Variants in ANK2 observed in about 807,000 individuals in gnomAD.
ANK2 encodes the protein ankyrin 2.
Under a neutral mutation model 360.5 loss-of-function variants are expected in ANK2, and 83 were observed. The observed-to-expected ratio is 0.23, with a 90% confidence interval of 0.19 to 0.28. ANK2 has a LOEUF of 0.28. ANK2 is among the 10% of genes least tolerant of loss of function. The pLI, the probability that ANK2 is intolerant of heterozygous loss-of-function variation, is 1.00. For missense variants in ANK2, 4,201 were observed against 4,795.7 expected (o/e 0.88, Z 3.66); for synonymous variants, 1,740 against 1,759.5 (o/e 0.99, Z 0.28).
chr4:113,108,742 G>GA (rs201965241), intron 1 of ANK2, among the ~76,000 whole-genome samples: 1,751 of 150,934 alleles, frequency 0.012, 32 homozygotes, highest in African/African-American at 0.038. Flanking sequence ...ACTTGAAACA[G>GA]AAAAAAAAAC....
chr4:112,910,589 C>T (rs1580995287), intron 2 of ANK2, among the ~76,000 whole-genome samples: 1 of 152,324 alleles, frequency 6.6e-6, no homozygotes, highest in South Asian at 2.1e-4. Context: ...TAAAAAGGAA[C>T]TTTCAACACC....
At chr4:113,234,905 A>G (rs997289392) in intron 5 of ANK2, among the ~76,000 whole-genome samples, 1 of 152,234 alleles carries the variant, frequency 6.6e-6, no homozygotes. Context: ...CACTTGAACA[A>G]ATCATTCCAA....
chr4:112,764,729 C>T, the ANK2 span, among the ~76,000 whole-genome samples: 98 of 130,116 alleles, frequency 7.5e-4, no homozygotes, highest in Admixed American at 1.6e-3. Context: ...TTTTTTGAGA[C>T]GGAGTTTCAT....
intron 2 of ANK2, chr4:113,034,913 A>G (rs970699616): frequency 1.3e-5 from 2 of 151,988 alleles, no homozygotes; most frequent in African/African-American, 4.8e-5. Context: ...TGTTTTGCAG[A>G]GAACAAATGT....
chr4:113,283,194 A>G (rs943879546), intron 18 of ANK2, among the ~76,000 whole-genome samples: 1 of 152,206 alleles, frequency 6.6e-6, no homozygotes, highest in Non-Finnish European at 1.5e-5. Flanking sequence ...CAATGTTAAC[A>G]TCACTATAAT....
rs377113229 is a variant in ANK2 at position 113,126,275 on chromosome 4, T to C, written c.85-48141T>C. On this transcript the variant is annotated intron_variant, in intron 1 of 45. Coordinates refer to ENST00000357077, the MANE Select transcript of ANK2 (RefSeq NM_001148.6). ...TAGCTGCCTTTAAATTGCAGGGTGC[T>C]GTAATAAACAAAAGTCCACAGTAAA... 7.9e-5 allele frequency among the ~76,000 whole-genome samples: 12 copies of C among 152,306 alleles called. No individual in the cohort carries two copies. In the East Asian group the frequency reaches 2.1e-3, roughly 27 times the overall value.
chr4:113,263,314 A>G (rs1365042919), intron 13 of ANK2, among the ~76,000 whole-genome samples: 2 of 152,128 alleles, frequency 1.3e-5, no homozygotes, highest in Admixed American at 6.5e-5. Flanking sequence ...TGATACATCT[A>G]AAGTCTGAAG....
chr4:112,767,543 G>C, the ANK2 span, among the ~76,000 whole-genome samples: 1 of 145,926 alleles, frequency 6.9e-6, no homozygotes, highest in Admixed American at 7.0e-5. Context: ...CCTGGCACTG[G>C]GTGTCAGAGC....
At chr4:113,024,389 CTA>C (rs1332500406) in intron 2 of ANK2, among the ~76,000 whole-genome samples, 3 of 152,076 alleles carry the variant, frequency 2.0e-5, no homozygotes, top group Non-Finnish European at 4.4e-5. Context: ...TTTTCTCTCT[CTA>C]GTTACTTAAT....
intron 21 of ANK2, 140 bp downstream of exon 21, chr4:113,292,654 G>A: frequency 1.0e-6 from 1 of 971,840 alleles, no homozygotes; most frequent in Non-Finnish European, 1.6e-6. Context: ...CCAGATTTTT[G>A]GGCAGGCTTT....
intron 1 of ANK2, among the ~76,000 whole-genome samples, chr4:113,131,116 T>C (rs1232297431): frequency 1.3e-5 from 2 of 152,176 alleles, no homozygotes; most frequent in African/African-American, 2.4e-5. Context: ...AATAGTTTTA[T>C]TAACTACTAA....
chr4:113,302,188 T>G (rs2153792393), intron 22 of ANK2, among the ~76,000 whole-genome samples: 1 of 152,312 alleles, frequency 6.6e-6, no homozygotes, highest in East Asian at 1.9e-4. Context: ...TGAAAGGCAG[T>G]GGATTGACAA....
intron 2 of ANK2, among the ~76,000 whole-genome samples, chr4:112,919,246 G>A (rs1023617816): frequency 1.3e-5 from 2 of 152,088 alleles, no homozygotes; most frequent in East Asian, 3.8e-4. Flanking sequence ...GCAGGGTATA[G>A]CATTAAAGCA....
At chr4:113,327,591 T>C (rs2090632022) in intron 26 of ANK2, among the ~76,000 whole-genome samples, 1 of 152,236 alleles carries the variant, frequency 6.6e-6, no homozygotes, top group Non-Finnish European at 1.5e-5. Flanking sequence ...CCATCCACAC[T>C]GTGCCAGGCT....
In ANK2 at chr4:112,989,918, A is replaced by G. The variant is rs192162434; in HGVS notation, c.21+85404A>G. ...AACTAACACTTAATTTCATAGCTCAATAGGAATTGTTGAAATTGTGATACT... is the reference window on the plus strand; with the variant it reads ...AACTAACACTTAATTTCATAGCTCAGTAGGAATTGTTGAAATTGTGATACT... On this transcript the variant is annotated intron_variant, in intron 2 of 30. Coordinates refer to the ANK2 transcript ENST00000503271. 2.6e-5 allele frequency among the ~76,000 whole-genome samples: 4 copies of G among 152,314 alleles called. No individual in the cohort carries two copies. The East Asian group carries it at 7.7e-4, about 29-fold the overall frequency.
intron 15 of ANK2, among the ~76,000 whole-genome samples, chr4:113,275,548 G>A (rs796609629): frequency 1.3e-5 from 2 of 152,104 alleles, no homozygotes; most frequent in South Asian, 2.1e-4. Context: ...TAGTGATGTG[G>A]CATCTGTCCT....
intron 5 of ANK2, among the ~76,000 whole-genome samples, chr4:113,232,871 G>A (rs1170712709): frequency 1.3e-5 from 2 of 152,126 alleles, no homozygotes; most frequent in African/African-American, 4.8e-5. Flanking sequence ...TCTTTCCTAA[G>A]CATTTCTTAT....
At chr4:113,072,737 G>A (rs1224556588) in intron 1 of ANK2, among the ~76,000 whole-genome samples, 5 of 127,924 alleles carry the variant, frequency 3.9e-5, no homozygotes, top group African/African-American at 1.3e-4. Context: ...TAGACACTTG[G>A]CATAATTTTT....
chr4:113,318,890 A>G (rs1395501471), intron 26 of ANK2, among the ~76,000 whole-genome samples: 3 of 152,194 alleles, frequency 2.0e-5, no homozygotes, highest in African/African-American at 7.2e-5. Flanking sequence ...ACCTAACTGG[A>G]ATATACTAGT....
Sources: allele counts gnomAD v4.1 joint callset (sites outside exome capture counted in the v4.1 genomes callset), GRCh38; gene constraint gnomAD v4.1.1; transcripts MANE v1.5; gene names NCBI Gene and HGNC (gene_info 2026-07-23, HGNC 2026-07-21).